The following DGKB variants were observed in gnomAD, a reference collection of about 807,000 sequenced individuals.
DGKB encodes 90 kDa diacylglycerol kinase.
A neutral mutation model predicts 114.3 loss-of-function variants in DGKB; 67 were observed. The observed-to-expected ratio is 0.59, with a 90% confidence interval of 0.48 to 0.72. DGKB has a LOEUF of 0.72. Among genes scored for constraint, DGKB ranks in the 30% least tolerant of loss-of-function variants. The pLI, the probability that DGKB is intolerant of heterozygous loss-of-function variation, is 0.00. For missense variants in DGKB, 907 were observed against 975.2 expected (o/e 0.93, Z 0.93); for synonymous variants, 398 against 323.1 (o/e 1.23, Z -2.49).
At chr7:14,309,040 G>C (rs1339672205) in intron 23 of DGKB, among the ~76,000 whole-genome samples, 2 of 151,892 alleles carry the variant, frequency 1.3e-5, no homozygotes, top group African/African-American at 4.8e-5. Context: ...ACATGGTAAG[G>C]CCTCATCTTA....
intron 13 of DGKB, among the ~76,000 whole-genome samples, chr7:14,658,757 A>T (rs1188348565): frequency 6.6e-6 from 1 of 151,780 alleles, no homozygotes; most frequent in African/African-American, 2.4e-5. Context: ...AATATGATTT[A>T]AAAATTACGT....
chr7:14,690,492 T>C (rs73272137), intron 9 of DGKB, among the ~76,000 whole-genome samples: 1,953 of 152,378 alleles, frequency 0.013, 32 homozygotes, highest in African/African-American at 0.043. Context: ...AAACTTTTTC[T>C]GTTTTTTAAT....
intron 17 of DGKB, among the ~76,000 whole-genome samples, chr7:14,600,982 C>T (rs1803440180): frequency 1.3e-5 from 2 of 152,168 alleles, no homozygotes; most frequent in Admixed American, 6.5e-5. Flanking sequence ...CTAGTGGAGG[C>T]TCTCTGCAGG....
chr7:14,503,218 CAG>C (rs1327379229), intron 20 of DGKB, among the ~76,000 whole-genome samples: 1 of 152,084 alleles, frequency 6.6e-6, no homozygotes, highest in Non-Finnish European at 1.5e-5. Context: ...ATTTTTCTTA[CAG>C]AGACAATAAA....
intron 15 of DGKB, among the ~76,000 whole-genome samples, chr7:14,619,346 T>G (rs1807178137): frequency 6.6e-6 from 1 of 151,668 alleles, no homozygotes; most frequent in African/African-American, 2.4e-5. Context: ...TTAATGTGAC[T>G]AATTTAGCTG....
intron 4 of DGKB, among the ~76,000 whole-genome samples, chr7:14,737,674 T>C (rs1006060705): frequency 6.6e-6 from 1 of 152,152 alleles, no homozygotes; most frequent in Non-Finnish European, 1.5e-5. Context: ...TACCTTAATC[T>C]AACTTTTTTA....
intron 23 of DGKB, among the ~76,000 whole-genome samples, chr7:14,333,569 T>A (rs1810126497): frequency 6.6e-6 from 1 of 152,166 alleles, no homozygotes; most frequent in South Asian, 2.1e-4. Context: ...TGCATTTTGT[T>A]TTGGTTTTGT....
At chr7:14,279,193 C>T (rs955834499) in intron 23 of DGKB, among the ~76,000 whole-genome samples, 3 of 151,976 alleles carry the variant, frequency 2.0e-5, no homozygotes, top group African/African-American at 4.9e-5. Context: ...AAATGGCGCA[C>T]CACGAGATTA....
intron 1 of DGKB, among the ~76,000 whole-genome samples, chr7:14,922,405 TG>T (rs1784553999): frequency 1.3e-5 from 2 of 151,830 alleles, no homozygotes; most frequent in Admixed American, 6.6e-5. Flanking sequence ...TGTGTGTGTG[TG>T]TGTGTGTGTA....
At chr7:14,301,428 A>G (rs2128488804) in intron 23 of DGKB, among the ~76,000 whole-genome samples, 1 of 152,260 alleles carries the variant, frequency 6.6e-6, no homozygotes, top group South Asian at 2.1e-4. Context: ...CACAAATACC[A>G]TACCCAGTCA....
At chr7:14,452,147 G>C (rs1428408693) in intron 21 of DGKB, among the ~76,000 whole-genome samples, 2 of 151,960 alleles carry the variant, frequency 1.3e-5, no homozygotes, top group African/African-American at 2.4e-5. Context: ...CAATAGAAAA[G>C]AACATGCATG....
intron 23 of DGKB, among the ~76,000 whole-genome samples, chr7:14,291,811 T>C (rs751669771): frequency 3.9e-5 from 6 of 152,146 alleles, no homozygotes; most frequent in Middle Eastern, 3.2e-3. Context: ...ATGAACCCTA[T>C]GCGGCAAAGA....
At chr7:14,700,082 T>C (rs901120560) in intron 7 of DGKB, among the ~76,000 whole-genome samples, 1 of 151,996 alleles carries the variant, frequency 6.6e-6, no homozygotes, top group Non-Finnish European at 1.5e-5. Flanking sequence ...TATTAAAGTA[T>C]CTAGAAGAAA....
intron 2 of DGKB, among the ~76,000 whole-genome samples, chr7:14,794,899 T>A (rs1841184704): frequency 6.6e-6 from 1 of 152,130 alleles, no homozygotes; most frequent in Admixed American, 6.6e-5. Context: ...GACAGCAGTA[T>A]TCCCACCCAT....
chr7:14,852,251 T>C (rs529302040), intron 1 of DGKB, among the ~76,000 whole-genome samples: 1 of 151,696 alleles, frequency 6.6e-6, no homozygotes, highest in African/African-American at 2.4e-5. Flanking sequence ...ATTGTTACCA[T>C]TTTTACATTT....
intron 23 of DGKB, among the ~76,000 whole-genome samples, chr7:14,203,974 C>T (rs1786340490): frequency 1.3e-5 from 2 of 151,914 alleles, no homozygotes; most frequent in East Asian, 1.9e-4. Context: ...CTATTCTCTC[C>T]TCCCCCAGCG....
intron 25 of DGKB, among the ~76,000 whole-genome samples, chr7:14,168,049 A>T (rs1277855141): frequency 6.6e-6 from 1 of 152,208 alleles, no homozygotes; most frequent in Non-Finnish European, 1.5e-5. Context: ...CCATGCTCTA[A>T]GAAGTAATGG....
chr7:14,815,499 CCTCT>C lies in DGKB; in HGVS notation c.70+25691_70+25694del, dbSNP rs1213955964. ...GAGATACAGGTTGCCCCATTTCTGC[CCTCT>C]CTTTTTGCAGCTATTCATTCCACAT... On this transcript the variant is annotated intron_variant, in intron 2 of 25. Coordinates refer to ENST00000402815, the MANE Select transcript of DGKB (RefSeq NM_001350709.2). Among the ~76,000 whole-genome samples, 4 of 152,290 alleles carry C rather than the reference CCTCT, an allele frequency of 2.6e-5. No individual in the cohort carries two copies. In the East Asian group the frequency reaches 5.8e-4, roughly 22 times the overall value.
chr7:14,195,391 G>T (rs1653786736), intron 23 of DGKB, among the ~76,000 whole-genome samples: 1 of 152,150 alleles, frequency 6.6e-6, no homozygotes, highest in African/African-American at 2.4e-5. Flanking sequence ...CCCTAACACT[G>T]ATGCCAGCTA....
Sources: gnomAD v4.1 joint callset for allele counts (sites outside exome capture counted in the v4.1 genomes callset) on GRCh38, gnomAD v4.1.1 for gene constraint, MANE v1.5 for transcripts, NCBI Gene and HGNC (gene_info 2026-07-23, HGNC 2026-07-21) for gene names.